ARHGAP23: variants seen among roughly 807,000 people sequenced by gnomAD.
ARHGAP23 encodes Rho GTPase activating protein 23, also known as rho GTPase-activating protein 23.
Under a neutral mutation model 136.3 loss-of-function variants are expected in ARHGAP23, and 34 were observed. The ratio of observed to expected loss-of-function variants is 0.25; its 90% CI spans 0.19 to 0.33. The LOEUF (loss-of-function observed/expected upper bound fraction) is 0.33, where lower values mean the gene tolerates loss of function less well. ARHGAP23 is among the 10% of genes least tolerant of loss of function. The pLI is 1.00. For synonymous variants in ARHGAP23, 832 were observed against 920.5 expected (o/e 0.90, Z 1.74); for missense variants, 1,808 against 2,139.0 (o/e 0.85, Z 3.05).
At chr17:38,469,819 T>C in intron 9 of ARHGAP23, 28 bp from the exon 10 acceptor site, 1 of 1,551,286 alleles carries the variant, frequency 6.4e-7, no homozygotes, top group Non-Finnish European at 8.7e-7. Flanking sequence ...GCTGCCCACA[T>C]CCCTCACCCT....
intron 1 of ARHGAP23, among the ~76,000 whole-genome samples, chr17:38,449,189 T>A (rs868845023): frequency 6.6e-6 from 1 of 152,166 alleles, no homozygotes; most frequent in Non-Finnish European, 1.5e-5. Flanking sequence ...ATGTCTGGAG[T>A]GACAAGTGCT....
intron 1 of ARHGAP23, among the ~76,000 whole-genome samples, chr17:38,453,415 A>T (rs1358096611): frequency 3.4e-5 from 3 of 89,548 alleles, no homozygotes; most frequent in South Asian, 4.2e-4. Context: ...GCGCGCGCGT[A>T]TGCGTGCGTG....
intron 17 of ARHGAP23, among the ~76,000 whole-genome samples, chr17:38,486,884 T>C (rs969692684): frequency 1.1e-4 from 17 of 152,268 alleles, no homozygotes; most frequent in African/African-American, 4.1e-4. Flanking sequence ...TCACAATCTG[T>C]TGTGTTTCTC....
At chr17:38,495,407 A>AT (rs2040370926) in intron 20 of ARHGAP23, among the ~76,000 whole-genome samples, 1 of 151,902 alleles carries the variant, frequency 6.6e-6, no homozygotes, top group East Asian at 1.9e-4. Flanking sequence ...TAATTTTTGT[A>AT]TTTTTAGTAG....
intron 6 of ARHGAP23, among the ~76,000 whole-genome samples, 166 bp from the exon 7 acceptor site, chr17:38,466,001 A>G (rs1949994549): frequency 6.6e-6 from 1 of 150,948 alleles, no homozygotes; most frequent in African/African-American, 2.4e-5. Context: ...CTCTCCCTGG[A>G]CCTGCCCTTC....
At chr17:38,472,894 C>G (rs1175299630) in intron 11 of ARHGAP23, among the ~76,000 whole-genome samples, 2 of 152,184 alleles carry the variant, frequency 1.3e-5, no homozygotes, top group Non-Finnish European at 2.9e-5. Flanking sequence ...AAAGGGTTTA[C>G]CCAGTGCCCG....
chr17:38,490,317 G>A (rs1016799212), intron 18 of ARHGAP23, 142 bp downstream of exon 18: 86 of 1,124,688 alleles, frequency 7.6e-5, no homozygotes, highest in Middle Eastern at 5.7e-4. Flanking sequence ...CAGTTTCCCC[G>A]TCCATACAAG....
In ARHGAP23 at chr17:38,503,952, C is replaced by T. The variant is rs376357907; in HGVS notation, c.3447+3324C>T. Among the ~76,000 whole-genome samples the T allele has an allele frequency of 4.3e-4, 66 of 152,314 alleles. No homozygotes were observed. The East Asian group carries it at 7.3e-3, about 17-fold the overall frequency. Reference sequence around the variant, plus strand: ...TATGCAGATAACTTTTCACGAACATCGGTTTCATTTCATTTTTACGGAAGA... The same window carrying T: ...TATGCAGATAACTTTTCACGAACATTGGTTTCATTTCATTTTTACGGAAGA... On this transcript the variant is annotated intron_variant, in intron 23 of 23. Coordinates refer to ENST00000622683, the MANE Select transcript of ARHGAP23 (RefSeq NM_001199417.2).
chr17:38,486,052 C>G lies in ARHGAP23; in HGVS notation c.2908-10C>G. On this transcript the variant is annotated splice_polypyrimidine_tract_variant and intron_variant, in intron 16 of 23. Coordinates refer to ENST00000622683, the MANE Select transcript of ARHGAP23 (RefSeq NM_001199417.2). ...GCCTGCCTGTGCCTGACATCTGACC[C>G]CTCCCCCAGCGCTGGCAAGACCTCA... 1 of 1,550,668 alleles carries G rather than the reference C, an allele frequency of 6.4e-7. No individual in the cohort carries two copies. Among genetic ancestry groups the G allele is most frequent in the Non-Finnish European group, 8.7e-7 (1 of 1,146,690 alleles).
rs139814183 is a variant in ARHGAP23 at position 38,509,888 on chromosome 17, G to A, written c.3448-56G>A. On this transcript the variant is annotated intron_variant, in intron 23 of 23. Transcript: ENST00000622683. ...GTGGGGGTGGACCGGGTAGAGCGGG[G>A]TCGGCAGGGGGCCGAGTCCGGGCGC... 2,348 of 1,216,074 alleles carry A rather than the reference G, an allele frequency of 1.9e-3. 38 individuals carry two copies. The African/African-American group carries it at 0.032, about 16-fold the overall frequency. The allele number at this position is 1,216,074 out of a possible 1,614,324, so 75.3% of individuals were successfully genotyped here. A position where few individuals can be genotyped will look rare whatever the true frequency, so the allele number is the denominator to read the frequency against.
intron 1 of ARHGAP23, among the ~76,000 whole-genome samples, chr17:38,442,578 C>T (rs1373681733): frequency 1.3e-5 from 2 of 152,186 alleles, no homozygotes; most frequent in Non-Finnish European, 2.9e-5. Context: ...AGAGGGTGCA[C>T]AGGTAACTGA....
At position 38,479,796 on chromosome 17, in the gene ARHGAP23, C is replaced by T. The variant is rs984891273; in HGVS notation, c.2542C>T (p.Arg848Cys). The T allele has an allele frequency of 1.6e-5, 24 of 1,515,778 alleles. No individual in the cohort carries two copies. Among genetic ancestry groups the T allele is most frequent in the Middle Eastern group, 2.4e-4 (1 of 4,204 alleles). 93.9% of individuals were successfully genotyped at this position (1,515,778 alleles called of 1,614,324 possible). A position where few individuals can be genotyped will look rare whatever the true frequency, so the allele number is the denominator to read the frequency against. ...PKADSSPKGSRGLGGLKSEFL... is the reference protein window; with the variant it reads ...PKADSSPKGSCGLGGLKSEFL... The stretch of plus-strand genomic sequence containing the variant: ...AGCTGATTCCTCCCCCAAAGGCTCT[C>T]GCGGCCTGGGGGGCCTCAAGTCTGA... The change falls in exon 14 of 24, where the codon CGC becomes TGC. Residue 848 changes from arginine (R) to cysteine (C), a missense_variant. Coordinates refer to ENST00000622683, the MANE Select transcript of ARHGAP23 (RefSeq NM_001199417.2).
upstream of ARHGAP23, among the ~76,000 whole-genome samples, chr17:38,424,190 A>T (rs1307878538): frequency 6.6e-6 from 1 of 151,938 alleles, no homozygotes; most frequent in Non-Finnish European, 1.5e-5. Flanking sequence ...CCTCCTCTGG[A>T]GCCCCACCCT....
At chr17:38,442,782 G>T (rs943389458) in intron 1 of ARHGAP23, among the ~76,000 whole-genome samples, 1 of 152,232 alleles carries the variant, frequency 6.6e-6, no homozygotes, top group Non-Finnish European at 1.5e-5. Flanking sequence ...GAGGAAGAGG[G>T]TGTGGTGAGT....
rs2040743529 is a variant in ARHGAP23 at position 38,510,721 on chromosome 17, G to A, written c.4225G>A (p.Val1409Met). The part of the protein sequence containing the change: ...RRSSWRRHTV[V>M]VQSPLTDLNF... ...GAGCAGCTGGCGCCGCCACACCGTG[G>A]TGGTGCAGAGCCCGCTGACTGACCT... Residue 1409 changes from valine (V) to methionine (M), a missense_variant, in exon 24 of 24, where the codon GTG becomes ATG. This residue lies in a region of ARHGAP23 where 506 missense variants were observed against 455.8 expected (regional missense o/e 1.11). Coordinates refer to ENST00000622683, the MANE Select transcript of ARHGAP23 (RefSeq NM_001199417.2). The surrounding 1 kb of genome is among the most constrained non-coding windows in gnomAD (Gnocchi z 4.6). 6.8e-7 allele frequency: 1 copy of A among 1,464,602 alleles called. No homozygotes were observed. Among genetic ancestry groups the A allele is most frequent in the Non-Finnish European group, 9.0e-7 (1 of 1,112,362 alleles). 90.7% of individuals were successfully genotyped at this position (1,464,602 alleles called of 1,614,324 possible). A position where few individuals can be genotyped will look rare whatever the true frequency, so the allele number is the denominator to read the frequency against.
intron 1 of ARHGAP23, among the ~76,000 whole-genome samples, chr17:38,438,124 CG>C (rs1436880282): frequency 2.0e-5 from 3 of 152,098 alleles, no homozygotes; most frequent in Non-Finnish European, 4.4e-5. Context: ...AGATCGAGAC[CG>C]TCCTGGCCAA....
At position 38,467,098 on chromosome 17, in the gene ARHGAP23, A is replaced by G. The variant is rs1305203679; in HGVS notation, c.1415A>G (p.Glu472Gly). Reference sequence around the variant, plus strand: ...GAGCCACCCAGGGTTGTACGGCCGGAACCCAGCACCCGGGCCCTGGAGCCT... The same window carrying G: ...GAGCCACCCAGGGTTGTACGGCCGGGACCCAGCACCCGGGCCCTGGAGCCT... ...ASEPPRVVRP[E>G]PSTRALEPPA... The change falls in exon 7 of 24, where the codon GAA becomes GGA. Residue 472 changes from glutamate (E) to glycine (G), a missense_variant. This residue lies in a region of ARHGAP23 where 859 missense variants were observed against 936.4 expected (regional missense o/e 0.92). Coordinates refer to ENST00000622683, the MANE Select transcript of ARHGAP23 (RefSeq NM_001199417.2). The G allele has an allele frequency of 1.9e-6, 3 of 1,550,440 alleles. No individual in the cohort carries two copies. The highest frequency in any genetic ancestry group is 3.9e-5 in the Admixed American group (2 of 50,978).
At chr17:38,435,988 CCCCAGG>C (rs1008626745) in intron 1 of ARHGAP23, among the ~76,000 whole-genome samples, 2 of 152,132 alleles carry the variant, frequency 1.3e-5, no homozygotes, top group African/African-American at 4.8e-5. Context: ...GGGGCGGAGG[CCCCAGG>C]CTGCAATGGA....
At chr17:38,502,969 T>C (rs2040553565) in intron 23 of ARHGAP23, among the ~76,000 whole-genome samples, 1 of 152,018 alleles carries the variant, frequency 6.6e-6, no homozygotes, top group Non-Finnish European at 1.5e-5. Context: ...CATTTGAGCT[T>C]GGGAGGTTGA....
Sources: allele counts gnomAD v4.1 joint callset (sites outside exome capture counted in the v4.1 genomes callset), GRCh38; gene constraint gnomAD v4.1.1; regional missense constraint gnomAD v4.1.1; non-coding constraint Gnocchi (gnomAD v3.1); transcripts MANE v1.5; gene names NCBI Gene and HGNC (gene_info 2026-07-23, HGNC 2026-07-21).